SNAP91: variants seen among roughly 807,000 people sequenced by gnomAD.
The protein encoded by SNAP91 is clathrin coat assembly protein AP180.
In SNAP91, 27 loss-of-function variants were observed where a neutral mutation model predicts 100.3. That is an observed-to-expected ratio of 0.27 (90% CI 0.20 to 0.37). The LOEUF (loss-of-function observed/expected upper bound fraction) is 0.37, where lower values mean the gene tolerates loss of function less well. Among genes scored for constraint, SNAP91 ranks in the 10% least tolerant of loss-of-function variants. The pLI is 1.00. For synonymous variants in SNAP91, 404 were observed against 398.6 expected, an observed-to-expected ratio of 1.01 and a Z score of -0.16; for missense variants, 986 against 1,123.7, an observed-to-expected ratio of 0.88 and a Z score of 1.75.
chr6:83,586,776 A>C (rs966043309), intron 22 of SNAP91, among the ~76,000 whole-genome samples: 6 of 152,192 alleles, frequency 3.9e-5, no homozygotes, highest in Admixed American at 3.9e-4. Context: ...AGAATTACTC[A>C]TTGTTGTTAT....
intron 23 of SNAP91, 148 bp from the exon 24 acceptor site, chr6:83,580,747 TG>T (rs1461386984): frequency 1.5e-6 from 1 of 672,622 alleles, no homozygotes; most frequent in East Asian, 2.8e-5. Flanking sequence ...TTTTCATGAC[TG>T]TAACACCAAG....
intron 28 of SNAP91, 122 bp downstream of exon 28, chr6:83,559,982 A>T: frequency 2.5e-6 from 2 of 790,638 alleles, no homozygotes; most frequent in Non-Finnish European, 4.3e-6. Flanking sequence ...AGCTCCCTTT[A>T]CTTCTGAAGC....
chr6:83,707,642 G>A (rs892692281), intron 2 of SNAP91, among the ~76,000 whole-genome samples, 156 bp downstream of exon 2: 1 of 152,052 alleles, frequency 6.6e-6, no homozygotes, highest in African/African-American at 2.4e-5. Flanking sequence ...GCTAACCCAA[G>A]GGAACACCTT....
At chr6:83,632,950 A>C (rs1160545144) in intron 8 of SNAP91, among the ~76,000 whole-genome samples, 1 of 152,132 alleles carries the variant, frequency 6.6e-6, no homozygotes, top group African/African-American at 2.4e-5. Context: ...TGGAGGATTT[A>C]AAGAACCTTA....
At chr6:83,680,949 T>C (rs893212921) in intron 2 of SNAP91, among the ~76,000 whole-genome samples, 19 of 152,110 alleles carry the variant, frequency 1.2e-4, no homozygotes, top group African/African-American at 4.3e-4. Flanking sequence ...TTACCTAGTT[T>C]TGGTTGTGGC....
At chr6:83,581,162 A>G (rs1257631945) in intron 23 of SNAP91, among the ~76,000 whole-genome samples, 1 of 152,206 alleles carries the variant, frequency 6.6e-6, no homozygotes, top group African/African-American at 2.4e-5. Flanking sequence ...TTCTTAAATG[A>G]GAAAATAATG....
At chr6:83,584,828 T>C (rs1050185505) in intron 22 of SNAP91, among the ~76,000 whole-genome samples, 3 of 152,190 alleles carry the variant, frequency 2.0e-5, no homozygotes, top group African/African-American at 7.2e-5. Context: ...AAACAGGAAT[T>C]CTCCAGAGTC....
At chr6:83,599,061 T>C (rs2094849968) in intron 16 of SNAP91, among the ~76,000 whole-genome samples, 1 of 152,194 alleles carries the variant, frequency 6.6e-6, no homozygotes, top group African/African-American at 2.4e-5. Flanking sequence ...TTAAGTTGCA[T>C]GATTCTCTGC....
intron 8 of SNAP91, among the ~76,000 whole-genome samples, chr6:83,637,217 A>G (rs559344451): frequency 1.3e-5 from 2 of 152,270 alleles, no homozygotes; most frequent in African/African-American, 4.8e-5. Flanking sequence ...GTCCCCTTCA[A>G]GTACTGGTGC....
At chr6:83,609,665 C>T (rs1251466030) in intron 12 of SNAP91, among the ~76,000 whole-genome samples, 4 of 152,164 alleles carry the variant, frequency 2.6e-5, no homozygotes, top group Non-Finnish European at 4.4e-5. Flanking sequence ...AGTAAATACT[C>T]TTGTCACTAA....
At chr6:83,618,787 AAAAT>A (rs984329696) in intron 9 of SNAP91, among the ~76,000 whole-genome samples, 1 of 151,948 alleles carries the variant, frequency 6.6e-6, no homozygotes, top group African/African-American at 2.4e-5. Context: ...GTAAGGAAAA[AAAAT>A]AAGCCATAGA....
intron 28 of SNAP91, among the ~76,000 whole-genome samples, chr6:83,556,871 T>G (rs1334822779): frequency 6.6e-6 from 1 of 152,178 alleles, no homozygotes; most frequent in Non-Finnish European, 1.5e-5. Flanking sequence ...TATACATTAT[T>G]TTAAGTGAAA....
At chr6:83,610,965 C>T (rs1341716479) in intron 11 of SNAP91, among the ~76,000 whole-genome samples, 8 of 151,834 alleles carry the variant, frequency 5.3e-5, no homozygotes, top group African/African-American at 9.7e-5. Context: ...CCATATCTCT[C>T]GCAACTCAAA....
Position 83,605,714 on chromosome 6 carries a change from G to C in SNAP91, c.1112C>G (p.Pro371Arg). The stretch of plus-strand genomic sequence containing the variant: ...CCATGCAGTGGCTCCTCCAGCAGGT[G>C]GTGGTGGTGCTGGTGCTGCGGCTGC... ...AAAAAAPAPP[P>R]PAGGATAWGD... is the part of the protein sequence containing the mutation. Residue 371 changes from proline (P) to arginine (R), a missense_variant, in exon 14 of 30, where the codon CCA becomes CGA. This residue lies in a region of SNAP91 where 575 missense variants were observed against 579.9 expected (regional missense o/e 0.99). Transcript: ENST00000369694. 1 of 1,552,248 alleles carries C rather than the reference G, an allele frequency of 6.4e-7. No homozygotes were observed. Among genetic ancestry groups the C allele is most frequent in the Non-Finnish European group, 8.7e-7 (1 of 1,147,254 alleles).
chr6:83,591,182 T>C, intron 22 of SNAP91, 29 bp downstream of exon 22: 2 of 1,408,076 alleles, frequency 1.4e-6, no homozygotes, highest in Non-Finnish European at 2.0e-6. Flanking sequence ...AAATTTAACT[T>C]CTACAAAATA....
chr6:83,560,214 G>T lies in SNAP91; in HGVS notation c.2527-6C>A. 1 of 1,611,134 alleles carries T rather than the reference G, an allele frequency of 6.2e-7. No homozygotes were observed. The highest frequency in any genetic ancestry group is 8.5e-7 in the Non-Finnish European group (1 of 1,177,566). ...ATGCCTGTCCCAGCAGGAGGCTGAGGAGGAAGAATGGAGAGTGGTTCAGAG... is the reference window on the plus strand; with the variant it reads ...ATGCCTGTCCCAGCAGGAGGCTGAGTAGGAAGAATGGAGAGTGGTTCAGAG... On this transcript the variant is annotated splice_polypyrimidine_tract_variant and splice_region_variant and intron_variant, in intron 27 of 29. Transcript: ENST00000369694.
At chr6:83,597,731 T>C (rs989216874) in intron 16 of SNAP91, among the ~76,000 whole-genome samples, 8 of 152,180 alleles carry the variant, frequency 5.3e-5, no homozygotes, top group Non-Finnish European at 7.4e-5. Context: ...CCCATCTACT[T>C]TGGCCACATA....
At position 83,642,175 on chromosome 6, in the gene SNAP91, ATTCT is replaced by A. The variant is rs1398184539; in HGVS notation, c.659-977_659-974del. Among the ~76,000 whole-genome samples the A allele has an allele frequency of 6.0e-5, 9 of 151,254 alleles. No homozygotes were observed. In the South Asian group the frequency reaches 8.3e-4, roughly 14 times the overall value. ...GTTTAAAATATGCTATTTTTTCAGT[ATTCT>A]TTTTTTAATTTATATATATATTTAT... On this transcript the variant is annotated intron_variant, in intron 7 of 29. Transcript: ENST00000369694.
At chr6:83,684,257 CATG>C (rs1281692907) in intron 2 of SNAP91, among the ~76,000 whole-genome samples, 1 of 152,142 alleles carries the variant, frequency 6.6e-6, no homozygotes, top group Non-Finnish European at 1.5e-5. Flanking sequence ...TCACTCAAAT[CATG>C]CTCTGAATTC....
Sources: gnomAD v4.1 joint callset for allele counts (sites outside exome capture counted in the v4.1 genomes callset) on GRCh38, gnomAD v4.1.1 for gene constraint, gnomAD v4.1.1 regional missense constraint, MANE v1.5 for transcripts, NCBI Gene and HGNC (gene_info 2026-07-23, HGNC 2026-07-21) for gene names.